NEK1: variants seen among roughly 807,000 people sequenced by gnomAD.
NEK1 encodes NIMA related kinase 1, also known as serine/threonine-protein kinase Nek1.
In NEK1, 137 loss-of-function variants were observed where a neutral mutation model predicts 182.1. The ratio of observed to expected loss-of-function variants is 0.75; its 90% CI spans 0.65 to 0.87. The LOEUF is 0.87. Ranked by LOEUF, NEK1 falls within the 40% of genes least tolerant of loss-of-function variation. The pLI, the probability that NEK1 is intolerant of heterozygous loss-of-function variation, is 0.00. For synonymous variants in NEK1, 513 were observed against 492.2 expected, an observed-to-expected ratio of 1.04 and a Z score of -0.56; for missense variants, 1,391 against 1,494.4, an observed-to-expected ratio of 0.93 and a Z score of 1.14.
intron 18 of NEK1, among the ~76,000 whole-genome samples, chr4:169,549,770 A>G (rs547278669): frequency 2.0e-5 from 3 of 151,990 alleles, no homozygotes; most frequent in Admixed American, 2.0e-4. Flanking sequence ...CCCAGGCTGG[A>G]GTGCAGTGGC....
rs899882337 is a variant in NEK1, at chr4:169,400,266, T to C, written c.3806A>G (p.Lys1269Arg). Residue 1269 changes from lysine to arginine, a missense_variant, in exon 35 of 36, where the codon AAG becomes AGG. Transcript: ENST00000507142. ...ATCTGCCATGACTAAATGAAGAATC[T>C]TGGCATAAAGATGCTGATGTTCATT... ...LGNEHQHLYA[K>R]ILHLVMADGA... is the part of the protein sequence containing the mutation. 1 of 1,575,600 alleles carries C rather than the reference T, an allele frequency of 6.3e-7. No homozygotes were observed. Among genetic ancestry groups the C allele is most frequent in the African/African-American group, 1.3e-5 (1 of 74,348 alleles).
intron 16 of NEK1, among the ~76,000 whole-genome samples, chr4:169,561,141 C>T (rs1762834911): frequency 6.6e-6 from 1 of 152,124 alleles, no homozygotes; most frequent in African/African-American, 2.4e-5. Flanking sequence ...CTTCTGAGAA[C>T]TTAATCTTCA....
At chr4:169,571,182 AT>A (rs1365743736) in intron 12 of NEK1, among the ~76,000 whole-genome samples, 53 of 79,766 alleles carry the variant, frequency 6.6e-4, no homozygotes, top group African/African-American at 1.1e-3. Context: ...CAATAAAAAA[AT>A]AAATAAATAA....
intron 31 of NEK1, among the ~76,000 whole-genome samples, chr4:169,411,754 T>A (rs1230949176): frequency 1.3e-5 from 2 of 152,250 alleles, no homozygotes; most frequent in African/African-American, 4.8e-5. Flanking sequence ...TTACTATTTT[T>A]AAAAATTCCA....
intron 33 of NEK1, among the ~76,000 whole-genome samples, chr4:169,401,033 G>A (rs931411188): frequency 1.3e-5 from 2 of 152,092 alleles, no homozygotes; most frequent in Non-Finnish European, 2.9e-5. Context: ...GGAAAAGCCT[G>A]CAAAAGGTAG....
chr4:169,410,613 G>A (rs1254208039), intron 31 of NEK1, among the ~76,000 whole-genome samples: 8 of 152,052 alleles, frequency 5.3e-5, no homozygotes, highest in African/African-American at 1.7e-4. Context: ...GATACATCAG[G>A]CTCAAAATGG....
intron 5 of NEK1, among the ~76,000 whole-genome samples, chr4:169,594,001 A>AG (rs1276815831): frequency 6.6e-6 from 1 of 152,106 alleles, no homozygotes; most frequent in East Asian, 1.9e-4. Flanking sequence ...AAAAAAAAAA[A>AG]AAAAATTGTA....
chr4:169,407,564 T>C (rs145419811), intron 31 of NEK1, among the ~76,000 whole-genome samples: 318 of 152,238 alleles, frequency 2.1e-3, no homozygotes, highest in African/African-American at 7.4e-3. Flanking sequence ...AGCTGAGGTG[T>C]TGAAAATGTG....
chr4:169,592,176 G>A (rs1285308962), intron 5 of NEK1, among the ~76,000 whole-genome samples: 1 of 152,130 alleles, frequency 6.6e-6, no homozygotes, highest in Non-Finnish European at 1.5e-5. Flanking sequence ...GTCAAAATAT[G>A]TGAAAATTTT....
At position 169,463,260 on chromosome 4, in the gene NEK1, T is replaced by G; in HGVS notation, c.2570A>C (p.Asn857Thr). The G allele has an allele frequency of 6.4e-7, 1 of 1,567,562 alleles. No homozygotes were observed. Residue 857 changes from asparagine to threonine, a missense_variant, in exon 27 of 36, where the codon AAT (asparagine) becomes ACT (threonine). Physicochemically the swap from Asn to Thr is moderately conservative, Grantham distance 65. Transcript: ENST00000507142. Reference protein sequence around the residue: ...ELQLQTELLENTTIRSEISPE... With the variant: ...ELQLQTELLETTTIRSEISPE... Reference sequence around the variant, plus strand: ...CTCCTTACCACTTCTAATAGTTGTATTTTCTAATAGTTCTGTCTGAAGTTG... The same window carrying G: ...CTCCTTACCACTTCTAATAGTTGTAGTTTCTAATAGTTCTGTCTGAAGTTG...
At chr4:169,419,615 T>G (rs745368642) in intron 31 of NEK1, among the ~76,000 whole-genome samples, 1 of 152,198 alleles carries the variant, frequency 6.6e-6, no homozygotes, top group African/African-American at 2.4e-5. Context: ...AGGACGGGAA[T>G]GGAAGTACAG....
chr4:169,608,780 C>G (rs1159580739), intron 2 of NEK1, among the ~76,000 whole-genome samples: 1 of 152,018 alleles, frequency 6.6e-6, no homozygotes, highest in Non-Finnish European at 1.5e-5. Flanking sequence ...CAATTTTGGC[C>G]GGGCATGGTG....
At chr4:169,495,239 CTTT>C (rs774183115) in intron 23 of NEK1, among the ~76,000 whole-genome samples, 73 of 105,436 alleles carry the variant, frequency 6.9e-4, no homozygotes, top group African/African-American at 2.3e-3. Flanking sequence ...ACATTTAAGT[CTTT>C]TTTTTTTTTT....
Position 169,599,549 on chromosome 4 carries a change from C to A in NEK1, c.215-352G>T, listed in dbSNP as rs1429417481. ...TCACACATAAAATCATGTTTTTCCA[C>A]CAATATATCACATCAGAGATGGGTT... On this transcript the variant is annotated intron_variant, in intron 4 of 35. Transcript: ENST00000507142. 6.6e-5 allele frequency among the ~76,000 whole-genome samples: 10 copies of A among 152,292 alleles called. No individual in the cohort carries two copies. In the East Asian group the frequency reaches 1.9e-3, roughly 29 times the overall value.
At chr4:169,433,808 G>A (rs1737875747) in intron 28 of NEK1, 143 bp from the exon 29 acceptor site, 1 of 753,292 alleles carries the variant, frequency 1.3e-6, no homozygotes, top group Non-Finnish European at 2.1e-6. Context: ...CTCTCTATAG[G>A]GTTTAACTCT....
intron 3 of NEK1, 87 bp from the exon 4 acceptor site, chr4:169,602,191 A>C (rs1199281571): frequency 2.0e-5 from 18 of 884,660 alleles, no homozygotes; most frequent in Non-Finnish European, 3.2e-5. Flanking sequence ...TTAAAACATA[A>C]TAGTATTAAT....
At chr4:169,445,849 C>CATACATATATATATAT (rs1740416151) in intron 27 of NEK1, among the ~76,000 whole-genome samples, 2 of 140,176 alleles carry the variant, frequency 1.4e-5, no homozygotes, top group African/African-American at 5.8e-5. Context: ...CAACTATATA[C>CATACATATATATATAT]ATATATATAT....
In NEK1 at chr4:169,395,739, C is replaced by T. The variant is rs557344355; in HGVS notation, c.3848-1216G>A. Among the ~76,000 whole-genome samples, 21 of 152,304 alleles carry T rather than the reference C, an allele frequency of 1.4e-4. No individual in the cohort carries two copies. In the South Asian group the frequency reaches 4.1e-3, roughly 30 times the overall value. On this transcript the variant is annotated intron_variant, in intron 35 of 35. Transcript: ENST00000507142. The stretch of plus-strand genomic sequence containing the variant: ...GGATTATTTAAGTAAAACCATATTA[C>T]AGATGCAGAGTACCCTTTCTCAATC...
rs771792731 is a variant in NEK1 at position 169,576,996 on chromosome 4, G to T, written c.952C>A (p.Pro318Thr). ...TCTCCATATTTCTTATATGCTAAAGGTATTCCATATTTAGCGGCAGGCTTT... is the reference window on the plus strand; with the variant it reads ...TCTCCATATTTCTTATATGCTAAAGTTATTCCATATTTAGCGGCAGGCTTT... ...ITKPAAKYGI[P>T]LAYKKYGDKK... The change falls in exon 12 of 36, where the codon CCT (proline) becomes ACT (threonine). Residue 318 changes from proline to threonine, a missense_variant. Physicochemically the swap from Pro to Thr is conservative, Grantham distance 38. Coordinates refer to ENST00000507142, the MANE Select transcript of NEK1 (RefSeq NM_001199397.3). 2 of 1,611,918 alleles carry T rather than the reference G, an allele frequency of 1.2e-6. No homozygotes were observed. Among genetic ancestry groups the T allele is most frequent in the East Asian group, 4.5e-5 (2 of 44,788 alleles).
Sources: allele counts gnomAD v4.1 joint callset (sites outside exome capture counted in the v4.1 genomes callset), GRCh38; gene constraint gnomAD v4.1.1; transcripts MANE v1.5; gene names NCBI Gene and HGNC (gene_info 2026-07-23, HGNC 2026-07-21).